The following COLQ variants were observed in gnomAD, a reference collection of about 807,000 sequenced individuals.
COLQ encodes acetylcholinesterase collagenic tail peptide.
Under a neutral mutation model 69.0 loss-of-function variants are expected in COLQ, and 48 were observed. The ratio of observed to expected loss-of-function variants is 0.70; its 90% CI spans 0.55 to 0.88. The LOEUF is 0.88. Among genes scored for constraint, COLQ ranks in the 40% least tolerant of loss-of-function variants. The probability of loss-of-function intolerance (pLI) is 0.00; values close to 1 mark genes in which losing one functional copy is unlikely to be tolerated. For missense variants in COLQ, 618 were observed against 594.6 expected (o/e 1.04, Z -0.41); for synonymous variants, 217 against 211.2 (o/e 1.03, Z -0.24).
Position 15,515,192 on chromosome 3 carries a change from A to G in COLQ, c.106+6328T>C, listed in dbSNP as rs79694183. On this transcript the variant is annotated intron_variant, in intron 1 of 16. Transcript: ENST00000383788. ...TTTTTGTCTGCTTGCTCACTGCTGCATATCCCCAGGCATATAGTTGGCACT... is the reference window on the plus strand; with the variant it reads ...TTTTTGTCTGCTTGCTCACTGCTGCGTATCCCCAGGCATATAGTTGGCACT... 3.0e-3 allele frequency among the ~76,000 whole-genome samples: 459 copies of G among 152,324 alleles called. 1 individual carries two copies. The highest frequency in any genetic ancestry group is 5.7e-3 in the Non-Finnish European group (388 of 68,024).
chr3:15,505,143 C>G (rs557782727), intron 1 of COLQ, among the ~76,000 whole-genome samples: 2 of 152,300 alleles, frequency 1.3e-5, no homozygotes, highest in African/African-American at 4.8e-5. Flanking sequence ...CCCTTGTTGG[C>G]AAATGTCTAG....
At chr3:15,506,671 C>A (rs951803462) in intron 1 of COLQ, 2 of 152,030 alleles carry the variant, frequency 1.3e-5, no homozygotes, top group Non-Finnish European at 1.5e-5. Context: ...AGGCATAATC[C>A]CACTAATGAT....
At chr3:15,470,897 A>T (rs943133529) in intron 10 of COLQ, among the ~76,000 whole-genome samples, 22 of 152,204 alleles carry the variant, frequency 1.4e-4, no homozygotes, top group Non-Finnish European at 3.1e-4. Context: ...GGCCAAATAG[A>T]AGAGACAAAT....
chr3:15,474,008 C>T lies in COLQ; in HGVS notation c.628G>A (p.Gly210Arg), dbSNP rs2062334014. The T allele has an allele frequency of 6.2e-7, 1 of 1,614,122 alleles. No individual in the cohort carries two copies. The highest frequency in any genetic ancestry group is 1.1e-5 in the South Asian group (1 of 91,076). The change falls in exon 10 of 17, where the codon GGG becomes AGG. Residue 210 changes from glycine to arginine, a missense_variant. By Grantham distance (125) the Gly-to-Arg change is moderately radical. Coordinates refer to ENST00000383788, the MANE Select transcript of COLQ (RefSeq NM_005677.4). ...KGFPGFPGML[G>R]QKGEMGPKGE... is the part of the protein sequence containing the mutation. The stretch of plus-strand genomic sequence containing the variant: ...ACCTCAAGGTTACTTACTTTCTGCC[C>T]CAACATTCCAGGAAATCCTGGGAAA...
chr3:15,455,522 G>T (rs2062011376), intron 15 of COLQ, among the ~76,000 whole-genome samples: 1 of 152,126 alleles, frequency 6.6e-6, no homozygotes. Flanking sequence ...CAGATTCTTG[G>T]CCTCTCCCTT....
chr3:15,491,517 G>A (rs1432885841), intron 1 of COLQ, among the ~76,000 whole-genome samples: 2 of 152,220 alleles, frequency 1.3e-5, no homozygotes, highest in African/African-American at 2.4e-5. Context: ...TCGCCAGGTC[G>A]TGCGGTGTCC....
In COLQ at chr3:15,466,373, C is replaced by A; in HGVS notation, c.782G>T (p.Gly261Val). 1 of 1,614,108 alleles carries A rather than the reference C, an allele frequency of 6.2e-7. No homozygotes were observed. The highest frequency in any genetic ancestry group is 8.5e-7 in the Non-Finnish European group (1 of 1,180,016). The change falls in exon 12 of 17, where the codon GGC (glycine) becomes GTC (valine). Residue 261 changes from glycine (G) to valine (V), a missense_variant. Transcript: ENST00000383788. Reference protein sequence around the residue: ...PGKPGPSGQPGRPGPPGPPPA... With the variant: ...PGKPGPSGQPVRPGPPGPPPA... ...TGGGGGGCCTGGGGGCCCCGGACGG[C>A]CAGGTTGACCAGAAGGCCCAGGCTT... is the stretch of plus-strand genomic sequence containing the variant.
intron 1 of COLQ, among the ~76,000 whole-genome samples, chr3:15,493,432 C>T (rs1165680293): frequency 2.0e-5 from 3 of 152,252 alleles, no homozygotes; most frequent in East Asian, 3.8e-4. Context: ...TCACCTTCCT[C>T]GATCCCCTGT....
Position 15,521,513 on chromosome 3 carries a change from C to A in COLQ, c.106+7G>T, listed in dbSNP as rs766993036. 5.0e-6 allele frequency: 8 copies of A among 1,614,032 alleles called. No individual in the cohort carries two copies. The highest frequency in any genetic ancestry group is 1.7e-5 in the Admixed American group (1 of 60,002). On this transcript the variant is annotated splice_region_variant and intron_variant, in intron 1 of 16. Transcript: ENST00000383788. The stretch of plus-strand genomic sequence containing the variant: ...TGGAAGAGAGGAAAGTTGTGGCCAT[C>A]ATTTACCTGCTGAGATTGGAAGAAC...
chr3:15,454,333 T>C (rs905640), intron 15 of COLQ, among the ~76,000 whole-genome samples: 70,788 of 152,012 alleles, frequency 0.47, 16,730 homozygotes, highest in African/African-American at 0.56. Flanking sequence ...AGAGCTTCTG[T>C]GTGACACTGG....
At chr3:15,466,831 C>T (rs530586517) in intron 11 of COLQ, among the ~76,000 whole-genome samples, 3 of 152,338 alleles carry the variant, frequency 2.0e-5, no homozygotes, top group Admixed American at 6.5e-5. Flanking sequence ...GCTAGGCTTT[C>T]CAGCTTCATT....
rs570925429 is a variant in COLQ, at chr3:15,514,141, G to A, written c.106+7379C>T. ...TGCTTCCTGAGAGCCTTCTGAGGGAGCTCGGCCTTGGCGACACCTTGATTT... is the reference window on the plus strand; with the variant it reads ...TGCTTCCTGAGAGCCTTCTGAGGGAACTCGGCCTTGGCGACACCTTGATTT... On this transcript the variant is annotated intron_variant, in intron 1 of 16. Coordinates refer to ENST00000383788, the MANE Select transcript of COLQ (RefSeq NM_005677.4). 3.3e-5 allele frequency among the ~76,000 whole-genome samples: 5 copies of A among 152,320 alleles called. No homozygotes were observed. The East Asian group carries it at 9.6e-4, about 29-fold the overall frequency.
intron 11 of COLQ, among the ~76,000 whole-genome samples, chr3:15,470,316 A>G (rs1220437710): frequency 6.6e-6 from 1 of 152,228 alleles, no homozygotes; most frequent in Non-Finnish European, 1.5e-5. Flanking sequence ...GCCTTGGCAC[A>G]GTTCACATGG....
intron 11 of COLQ, among the ~76,000 whole-genome samples, chr3:15,467,523 A>G (rs1489107199): frequency 6.6e-6 from 1 of 152,240 alleles, no homozygotes; most frequent in Non-Finnish European, 1.5e-5. Flanking sequence ...GCCGTTCCAC[A>G]TGGAGTGTCC....
chr3:15,456,148 A>G (rs2062021809), intron 14 of COLQ, 129 bp from the exon 15 acceptor site: 10 of 1,143,430 alleles, frequency 8.7e-6, no homozygotes, highest in Non-Finnish European at 1.3e-5. Context: ...AGGGGTGGGA[A>G]AGGTACTCCT....
At chr3:15,493,944 G>A (rs146107188) in intron 1 of COLQ, among the ~76,000 whole-genome samples, 16 of 152,318 alleles carry the variant, frequency 1.1e-4, no homozygotes, top group African/African-American at 1.2e-4. Flanking sequence ...TTTGCTGGCC[G>A]TGGTGGCACA....
At chr3:15,487,306 A>C (rs1351054618) in intron 3 of COLQ, among the ~76,000 whole-genome samples, 1 of 152,192 alleles carries the variant, frequency 6.6e-6, no homozygotes, top group East Asian at 1.9e-4. Context: ...CAGGAACCAC[A>C]AGTGCAAAGG....
intron 1 of COLQ, among the ~76,000 whole-genome samples, chr3:15,493,835 A>G (rs970167333): frequency 2.6e-5 from 4 of 152,180 alleles, no homozygotes; most frequent in African/African-American, 9.6e-5. Context: ...TGTAATCCCA[A>G]CACTTTGGGA....
intron 1 of COLQ, among the ~76,000 whole-genome samples, chr3:15,518,209 GT>G (rs1250060027): frequency 1.3e-5 from 2 of 152,132 alleles, no homozygotes; most frequent in African/African-American, 4.8e-5. Flanking sequence ...GCCTCCCAAA[GT>G]GCTGGGATTA....
Sources: allele counts gnomAD v4.1 joint callset (sites outside exome capture counted in the v4.1 genomes callset), GRCh38; gene constraint gnomAD v4.1.1; transcripts MANE v1.5; gene names NCBI Gene and HGNC (gene_info 2026-07-23, HGNC 2026-07-21).